Variants in GALNT13 observed in about 807,000 individuals in gnomAD.
The protein encoded by GALNT13 is polypeptide N-acetylgalactosaminyltransferase 13.
A neutral mutation model predicts 64.2 loss-of-function variants in GALNT13; 28 were observed. The ratio of observed to expected loss-of-function variants is 0.44; its 90% confidence interval spans 0.32 to 0.60. The LOEUF (loss-of-function observed/expected upper bound fraction) is 0.60, where lower values mean the gene tolerates loss of function less well. Among genes scored for constraint, GALNT13 ranks in the 20% least tolerant of loss-of-function variants. GALNT13 has a pLI of 0.05. For missense variants in GALNT13, 577 were observed against 669.8 expected (o/e 0.86, Z 1.53); for synonymous variants, 214 against 224.6 (o/e 0.95, Z 0.42).
At chr2:153,533,120 AT>A in the GALNT13 span, among the ~76,000 whole-genome samples, 4 of 151,928 alleles carry the variant, frequency 2.6e-5, no homozygotes, top group Non-Finnish European at 4.4e-5. Flanking sequence ...CAAAGGTAAA[AT>A]TTTTTTCCTT....
chr2:153,555,984 A>AT, the GALNT13 span, among the ~76,000 whole-genome samples: 2 of 152,196 alleles, frequency 1.3e-5, no homozygotes, highest in Non-Finnish European at 2.9e-5. Flanking sequence ...GCCACTATAA[A>AT]TTTTTATTAT....
chr2:153,271,598 T>C, the GALNT13 span, among the ~76,000 whole-genome samples: 1 of 152,178 alleles, frequency 6.6e-6, no homozygotes, highest in South Asian at 2.1e-4. Flanking sequence ...TACAAACCAC[T>C]GCTCAAGGAA....
chr2:153,111,126 A>G, the GALNT13 span, among the ~76,000 whole-genome samples: 1 of 152,102 alleles, frequency 6.6e-6, no homozygotes, highest in Non-Finnish European at 1.5e-5. Context: ...GGGGTTTCCA[A>G]AAGTGTATTT....
At position 154,110,356 on chromosome 2, in the gene GALNT13, GAGAGAGAGAGAGAGAGAGAGAC is replaced by G. The variant is rs1435515408; in HGVS notation, c.143-29959_143-29938del. Among the ~76,000 whole-genome samples, 154 of 97,668 alleles carry G rather than the reference GAGAGAGAGAGAGAGAGAGAGAC, an allele frequency of 1.6e-3. 2 individuals are homozygous for G. Among genetic ancestry groups the G allele is most frequent in the East Asian group, 0.01 (13 of 1,292 alleles). The allele number at this position is 97,668 out of a possible 152,430, so 64.1% of individuals were successfully genotyped here. ...ATATATAGAGAGAGAGAGAGAGAGA[GAGAGAGAGAGAGAGAGAGAGAC>G]AGAGAGAGAGAGAGAGAGAGAGACA... On this transcript the variant is annotated intron_variant, in intron 3 of 12. Coordinates refer to ENST00000392825, the MANE Select transcript of GALNT13 (RefSeq NM_052917.4).
chr2:153,862,324 C>A, the GALNT13 span, among the ~76,000 whole-genome samples: 1 of 150,674 alleles, frequency 6.6e-6, no homozygotes, highest in African/African-American at 2.4e-5. Context: ...TTTCATGTAT[C>A]TTGGAGCAAA....
At chr2:153,615,138 T>C in the GALNT13 span, among the ~76,000 whole-genome samples, 2 of 152,092 alleles carry the variant, frequency 1.3e-5, no homozygotes, top group African/African-American at 4.8e-5. Context: ...ATGTTTGTCT[T>C]TCTGTGCTTG....
chr2:153,466,482 A>C, the GALNT13 span, among the ~76,000 whole-genome samples: 1 of 151,544 alleles, frequency 6.6e-6, no homozygotes, highest in Non-Finnish European at 1.5e-5. Context: ...GTTTGTTTAC[A>C]AGTTTGTAAA....
intron 3 of GALNT13, among the ~76,000 whole-genome samples, chr2:153,993,376 A>G (rs1209519234): frequency 2.0e-5 from 3 of 152,094 alleles, no homozygotes; most frequent in African/African-American, 7.2e-5. Flanking sequence ...ATTTCTTCCA[A>G]CATTCATAGT....
the GALNT13 span, among the ~76,000 whole-genome samples, chr2:153,391,233 T>C: frequency 3.9e-5 from 6 of 152,040 alleles, no homozygotes; most frequent in African/African-American, 1.2e-4. Flanking sequence ...TTGTGTTTAA[T>C]AGTGTCACTC....
At chr2:153,413,742 T>C in the GALNT13 span, among the ~76,000 whole-genome samples, 1,670 of 152,300 alleles carry the variant, frequency 0.011, 31 homozygotes, top group African/African-American at 0.038. Context: ...GACAAATGTT[T>C]GTAGAAAAAG....
the GALNT13 span, among the ~76,000 whole-genome samples, chr2:153,278,182 C>G: frequency 2.1e-4 from 32 of 151,950 alleles, no homozygotes; most frequent in East Asian, 6.0e-3. Flanking sequence ...ATCTGTCCGC[C>G]TCGGCCTCCC....
At chr2:153,236,134 C>A in the GALNT13 span, among the ~76,000 whole-genome samples, 26 of 152,112 alleles carry the variant, frequency 1.7e-4, no homozygotes, top group African/African-American at 6.3e-4. Context: ...CTCTTCAGTT[C>A]TTTGAAGGCT....
intron 4 of GALNT13, among the ~76,000 whole-genome samples, chr2:154,195,033 C>T (rs1256268244): frequency 1.3e-5 from 2 of 151,956 alleles, no homozygotes; most frequent in African/African-American, 4.8e-5. Flanking sequence ...CCTTGCCTTC[C>T]ATCCCCTGAC....
chr2:154,084,735 G>T (rs535835248), intron 3 of GALNT13, among the ~76,000 whole-genome samples: 2 of 151,940 alleles, frequency 1.3e-5, no homozygotes, highest in South Asian at 4.2e-4. Context: ...TTATATAAAG[G>T]TTTCCTTCTT....
chr2:153,791,336 C>G, the GALNT13 span, among the ~76,000 whole-genome samples: 1 of 152,132 alleles, frequency 6.6e-6, no homozygotes, highest in Non-Finnish European at 1.5e-5. Flanking sequence ...CCATCTCACA[C>G]CAGTCATAAT....
chr2:153,101,156 A>ATTATAGGTTCATTAAAATGAACCTGAG, the GALNT13 span, among the ~76,000 whole-genome samples: 17 of 152,340 alleles, frequency 1.1e-4, no homozygotes, highest in African/African-American at 4.1e-4. Flanking sequence ...CAAATACTCT[A>ATTATAGGTTCATTAAAATGAACCTGAG]TTATAGGTTC....
chr2:153,400,224 C>T, the GALNT13 span, among the ~76,000 whole-genome samples: 1 of 151,608 alleles, frequency 6.6e-6, no homozygotes, highest in Admixed American at 6.6e-5. Flanking sequence ...TGCTGGATTA[C>T]ATTTATTGAT....
intron 2 of GALNT13, among the ~76,000 whole-genome samples, chr2:153,932,886 C>T (rs987552163): frequency 6.6e-6 from 1 of 152,048 alleles, no homozygotes; most frequent in African/African-American, 2.4e-5. Context: ...CGTTGCCTTC[C>T]CAAAATGCTG....
chr2:154,191,320 G>C (rs1416736354), intron 4 of GALNT13, among the ~76,000 whole-genome samples: 2 of 152,284 alleles, frequency 1.3e-5, no homozygotes, highest in Non-Finnish European at 2.9e-5. Flanking sequence ...TTCCTGAGCA[G>C]AGTAATGGAT....
Sources: gnomAD v4.1 joint callset for allele counts (sites outside exome capture counted in the v4.1 genomes callset) on GRCh38, gnomAD v4.1.1 for gene constraint, MANE v1.5 for transcripts, NCBI Gene and HGNC (gene_info 2026-07-23, HGNC 2026-07-21) for gene names.